SCRIB: variants seen among roughly 807,000 people sequenced by gnomAD.
The protein encoded by SCRIB is protein scribble homolog.
SCRIB carries 72 observed loss-of-function variants against 170.0 expected under a neutral mutation model. The ratio of observed to expected loss-of-function variants is 0.42; its 90% CI spans 0.35 to 0.52. The LOEUF (loss-of-function observed/expected upper bound fraction) is 0.52, where lower values mean the gene tolerates loss of function less well. Among genes scored for constraint, SCRIB ranks in the 20% least tolerant of loss-of-function variants. The pLI is 0.02. For missense variants in SCRIB, 2,475 were observed against 2,338.5 expected, an observed-to-expected ratio of 1.06 and a Z score of -1.20; for synonymous variants, 1,298 against 1,044.3, an observed-to-expected ratio of 1.24 and a Z score of -4.68.
At position 143,799,050 on chromosome 8, in the gene SCRIB, A is replaced by G. The variant is rs893797109; in HGVS notation, c.3604-3520T>C. ...AGACTCATAAGTTCACGAAAACCCT[A>G]AAAACAGAAAGACACCTCAGGAACC... On this transcript the variant is annotated intron_variant, in intron 24 of 36. Transcript: ENST00000356994. Among the ~76,000 whole-genome samples, 25 of 152,226 alleles carry G rather than the reference A, an allele frequency of 1.6e-4. 4 individuals are homozygous for G. Among genetic ancestry groups the G allele is most frequent in the Admixed American group, 1.6e-3 (24 of 15,282 alleles).
At chr8:143,802,765 G>A (rs1815226724) in intron 24 of SCRIB, among the ~76,000 whole-genome samples, 1 of 152,246 alleles carries the variant, frequency 6.6e-6, no homozygotes, top group African/African-American at 2.4e-5. Flanking sequence ...TCCAGGCCGT[G>A]CTGGTGGGGA....
chr8:143,799,292 G>T (rs1554634605), intron 24 of SCRIB, among the ~76,000 whole-genome samples: 2 of 152,206 alleles, frequency 1.3e-5, no homozygotes, highest in Non-Finnish European at 2.9e-5. Context: ...GTAAATCGAG[G>T]AAATGCCAAA....
In SCRIB at chr8:143,803,851, C is replaced by T. The variant is rs782073476; in HGVS notation, c.3210G>A (p.Thr1070=). Residue 1070 remains threonine, a synonymous_variant, in exon 23 of 37, where the codon ACG becomes ACA. Coordinates refer to ENST00000356994, the MANE Select transcript of SCRIB (RefSeq NM_182706.5). ...AVNGQDVRDA[T]HQEAVSALLR... is the part of the protein sequence containing the mutation. ...GCAGGGCACTGACTGCTTCTTGGTG[C>T]GTGGCATCCCGCACGTCTTGCCCGT... is the stretch of plus-strand genomic sequence containing the variant. The T allele has an allele frequency of 2.8e-5, 45 of 1,601,496 alleles. No homozygotes were observed. The highest frequency in any genetic ancestry group is 5.3e-5 in the African/African-American group (4 of 74,870).
intron 35 of SCRIB, 112 bp downstream of exon 35, chr8:143,791,554 G>T (rs1426761180): frequency 9.0e-6 from 14 of 1,560,312 alleles, no homozygotes; most frequent in Non-Finnish European, 1.2e-5. Context: ...GGGGGAGGGG[G>T]GGTGAAGAGG....
In SCRIB at chr8:143,795,039, C is replaced by T; in HGVS notation, c.3845G>A (p.Arg1282Lys). The change falls in exon 27 of 37, where the codon AGG becomes AAG. Residue 1282 changes from arginine to lysine, a missense_variant and splice_region_variant. Transcript: ENST00000356994. ...GGGCACTGCACACTGGGCACTCACC[C>T]TCTGCACGCTGCCAGCGCTGGGCAC... is the stretch of plus-strand genomic sequence containing the variant. ...AAVPSAGSVQ[R>K]VPSGAAGGKM... 3 of 1,610,270 alleles carry T rather than the reference C, an allele frequency of 1.9e-6. No homozygotes were observed. Among genetic ancestry groups the T allele is most frequent in the Non-Finnish European group, 2.5e-6 (3 of 1,178,926 alleles).
At chr8:143,814,190 A>T (rs2130159338) in intron 1 of SCRIB, 72 bp from the exon 2 acceptor site, 1 of 1,277,312 alleles carries the variant, frequency 7.8e-7, no homozygotes, top group East Asian at 2.5e-5. Context: ...TGGACACGTG[A>T]GTGTCACAAG....
rs149911392 is a variant in SCRIB at position 143,801,567 on chromosome 8, C to T, written c.3603+1816G>A. Among the ~76,000 whole-genome samples the T allele has an allele frequency of 6.4e-3, 980 of 152,190 alleles. 6 individuals carry two copies. The highest frequency in any genetic ancestry group is 0.01 in the Non-Finnish European group (682 of 68,018). On this transcript the variant is annotated intron_variant, in intron 24 of 36. Transcript: ENST00000356994. ...TTTTTTAAAGGAAAAGATAAGCAAC[C>T]GCTGCAGAAAAACACACCTGTACCC...
Position 143,792,411 on chromosome 8 carries a change from G to A in SCRIB, c.4329-6C>T. 3.3e-6 allele frequency: 5 copies of A among 1,502,222 alleles called. No homozygotes were observed. The highest frequency in any genetic ancestry group is 2.4e-5 in the East Asian group (1 of 42,412). The allele number at this position is 1,502,222 out of a possible 1,614,324, so 93.1% of individuals were successfully genotyped here. A position where few individuals can be genotyped will look rare whatever the true frequency, so the allele number is the denominator to read the frequency against. ...GGGGGGACGCCGGGCTCTGCCTGGG[G>A]AAGGGACAGGACGTGCTGTGGGGGG... On this transcript the variant is annotated splice_polypyrimidine_tract_variant and splice_region_variant and intron_variant, in intron 31 of 36. Coordinates refer to ENST00000356994, the MANE Select transcript of SCRIB (RefSeq NM_182706.5).
At chr8:143,809,126 C>A in intron 14 of SCRIB, 101 bp from the exon 15 acceptor site, 4 of 1,429,084 alleles carry the variant, frequency 2.8e-6, no homozygotes, top group Non-Finnish European at 3.7e-6. Context: ...CCGAAAGCCT[C>A]CCCGCCACAC....
chr8:143,792,378 C>A lies in SCRIB; in HGVS notation c.4356G>T (p.Leu1452=), dbSNP rs781879758. ...CCGTCCGCACCGGGGCGCCACCTCC[C>A]AGGGGTGGGGGGGACGCCGGGCTCT... ...SRQSPASPPP[L]GGGAPVRTAK... The change falls in exon 32 of 37, where the codon CTG becomes CTT. Residue 1452 remains leucine (L), a synonymous_variant. Transcript: ENST00000356994. The A allele has an allele frequency of 6.6e-7, 1 of 1,517,868 alleles. No homozygotes were observed. The highest frequency in any genetic ancestry group is 2.4e-5 in the East Asian group (1 of 42,364). 94.0% of individuals were successfully genotyped at this position (1,517,868 alleles called of 1,614,324 possible).
At chr8:143,810,052 G>C (rs1815635077) in intron 13 of SCRIB, among the ~76,000 whole-genome samples, 1 of 151,902 alleles carries the variant, frequency 6.6e-6, no homozygotes, top group African/African-American at 2.4e-5. Context: ...CCCTACCCCA[G>C]CCCAGATCAC....
rs782387776 is a variant in SCRIB at position 143,792,068 on chromosome 8, C to T, written c.4580G>A (p.Arg1527Gln). 4.3e-5 allele frequency: 69 copies of T among 1,593,628 alleles called. No homozygotes were observed. The highest frequency in any genetic ancestry group is 3.3e-4 in the Middle Eastern group (2 of 6,012). ...TCGCTCCAGGGGCCCCCGCGTGCCC[C>T]GGCCTTCCTGGGACCTGCTGAGGAC... ...QMVLSRSQEG[R>Q]GTRGPLERLA... Residue 1527 changes from arginine to glutamine, a missense_variant, in exon 33 of 37, where the codon CGG becomes CAG. Physicochemically the swap from Arg to Gln is conservative, Grantham distance 43. Coordinates refer to ENST00000356994, the MANE Select transcript of SCRIB (RefSeq NM_182706.5).
In SCRIB at chr8:143,795,535, G is replaced by C; in HGVS notation, c.3604-5C>G. On this transcript the variant is annotated splice_region_variant and splice_polypyrimidine_tract_variant and intron_variant, in intron 24 of 36. Coordinates refer to ENST00000356994, the MANE Select transcript of SCRIB (RefSeq NM_182706.5). ...GGCAATGACACCTGGGGACACCTGA[G>C]AAGAGGGGTGTGGGCTAAGAAGGGG... The C allele has an allele frequency of 6.2e-7, 1 of 1,608,058 alleles. No homozygotes were observed.
intron 29 of SCRIB, 53 bp downstream of exon 29, chr8:143,792,923 C>G: frequency 6.7e-7 from 1 of 1,501,250 alleles, no homozygotes; most frequent in Non-Finnish European, 8.9e-7. Flanking sequence ...ACTGGGGCCC[C>G]CGGGCACCCA....
intron 16 of SCRIB, 41 bp from the exon 17 acceptor site, chr8:143,807,054 G>C (rs1269680639): frequency 2.8e-6 from 4 of 1,430,246 alleles, no homozygotes; most frequent in Non-Finnish European, 3.9e-6. Flanking sequence ...GGGCCGCAGT[G>C]GGGCTGCCTG....
intron 13 of SCRIB, among the ~76,000 whole-genome samples, chr8:143,810,047 C>T (rs1165554527): frequency 1.3e-5 from 2 of 152,186 alleles, no homozygotes; most frequent in African/African-American, 4.8e-5. Flanking sequence ...ACACACCCTA[C>T]CCCAGCCCAG....
Position 143,793,952 on chromosome 8 carries a change from C to G in SCRIB, c.3857G>C (p.Gly1286Ala). The G allele has an allele frequency of 6.2e-7, 1 of 1,613,338 alleles. No homozygotes were observed. Among genetic ancestry groups the G allele is most frequent in the Non-Finnish European group, 8.5e-7 (1 of 1,179,658 alleles). Residue 1286 changes from glycine to alanine, a missense_variant, in exon 28 of 37, where the codon GGA becomes GCA. By Grantham distance (60) the Gly-to-Ala change is moderately conservative. Transcript: ENST00000356994. ...TTCAGCCATCTTCCCTCCAGCTGCT[C>G]CAGACGGTACCTGGAGGAGTAGGCA... ...SAGSVQRVPS[G>A]AAGGKMAESP... is the part of the protein sequence containing the mutation.
At chr8:143,793,849 G>T (rs375673473) in intron 28 of SCRIB, 51 bp downstream of exon 28, 1 of 1,580,952 alleles carries the variant, frequency 6.3e-7, no homozygotes, top group African/African-American at 1.3e-5. Flanking sequence ...GCGGCCATCT[G>T]CCCTGCCCTC....
rs780650651 is a variant in SCRIB, at chr8:143,811,350, C to A, written c.907-5G>T. ...TCCCAGGGAGCGGGGCAGGGCCTGGCCAAGAAGAGGAGGTCAGAGGACGCT... is the reference window on the plus strand; with the variant it reads ...TCCCAGGGAGCGGGGCAGGGCCTGGACAAGAAGAGGAGGTCAGAGGACGCT... On this transcript the variant is annotated splice_polypyrimidine_tract_variant and splice_region_variant and intron_variant, in intron 9 of 36. Transcript: ENST00000356994. 6.2e-7 allele frequency: 1 copy of A among 1,610,382 alleles called. No individual in the cohort carries two copies. Among genetic ancestry groups the A allele is most frequent in the Non-Finnish European group, 8.5e-7 (1 of 1,178,074 alleles).
Sources: allele counts gnomAD v4.1 joint callset (sites outside exome capture counted in the v4.1 genomes callset), GRCh38; gene constraint gnomAD v4.1.1; transcripts MANE v1.5; gene names NCBI Gene and HGNC (gene_info 2026-07-23, HGNC 2026-07-21).